The following ALDH8A1 variants were observed in gnomAD, a reference collection of about 807,000 sequenced individuals.
The protein encoded by ALDH8A1 is aldehyde dehydrogenase 8 family member A1.
ALDH8A1 carries 39 observed loss-of-function variants against 43.3 expected under a neutral mutation model. That is an observed-to-expected ratio of 0.90 (90% CI 0.70 to 1.18). The LOEUF (loss-of-function observed/expected upper bound fraction) is 1.18, where lower values mean the gene tolerates loss of function less well. ALDH8A1 is among the 50% of genes most tolerant of loss of function. ALDH8A1 has a pLI of 0.00. For missense variants in ALDH8A1, 605 were observed against 622.6 expected (o/e 0.97, Z 0.30); for synonymous variants, 233 against 243.5 (o/e 0.96, Z 0.40).
At chr6:134,941,815 G>A (rs755955414) in intron 3 of ALDH8A1, among the ~76,000 whole-genome samples, 4 of 152,008 alleles carry the variant, frequency 2.6e-5, no homozygotes, top group East Asian at 1.9e-4. Context: ...GAGCCACTGC[G>A]CCCAGCCTGA....
At chr6:134,942,211 C>G (rs556455247) in intron 3 of ALDH8A1, 198 bp downstream of exon 3, 2 of 625,262 alleles carry the variant, frequency 3.2e-6, no homozygotes, top group Non-Finnish European at 4.9e-6. Flanking sequence ...CAGAGCAAGA[C>G]GCTGTCTAAA....
intron 3 of ALDH8A1, among the ~76,000 whole-genome samples, chr6:134,940,833 TA>T (rs1421323979): frequency 6.6e-6 from 1 of 152,170 alleles, no homozygotes; most frequent in Non-Finnish European, 1.5e-5. Flanking sequence ...CTTTAGGGGA[TA>T]AAAATATTTT....
intron 2 of ALDH8A1, 121 bp downstream of exon 2, chr6:134,943,698 C>T: frequency 6.9e-7 from 1 of 1,451,558 alleles, no homozygotes; most frequent in African/African-American, 1.4e-5. Flanking sequence ...AGGGTTTGCT[C>T]TCCACTTCTA....
chr6:134,932,146 C>T (rs1776995565), intron 5 of ALDH8A1, among the ~76,000 whole-genome samples: 1 of 152,182 alleles, frequency 6.6e-6, no homozygotes, highest in Non-Finnish European at 1.5e-5. Flanking sequence ...GCAGCGTTTC[C>T]ATCTTCTTGC....
intron 3 of ALDH8A1, 111 bp downstream of exon 3, chr6:134,942,298 A>G: frequency 7.5e-7 from 1 of 1,335,458 alleles, no homozygotes; most frequent in Non-Finnish European, 9.9e-7. Flanking sequence ...TAGAAAAGAA[A>G]AATATCAGCT....
At chr6:134,937,864 C>G (rs1773773366) in intron 4 of ALDH8A1, among the ~76,000 whole-genome samples, 2 of 152,284 alleles carry the variant, frequency 1.3e-5, no homozygotes, top group South Asian at 4.1e-4. Context: ...CGCCCCACCC[C>G]CTCCACCTCG....
rs745764573 is a variant in ALDH8A1 at position 134,918,355 on chromosome 6, A to G, written c.*60T>C. 6.6e-7 allele frequency: 1 copy of G among 1,510,282 alleles called. No homozygotes were observed. Among genetic ancestry groups the G allele is most frequent in the Admixed American group, 1.8e-5 (1 of 54,186 alleles). 93.6% of individuals were successfully genotyped at this position (1,510,282 alleles called of 1,614,324 possible). A position where few individuals can be genotyped will look rare whatever the true frequency, so the allele number is the denominator to read the frequency against. ...TCATGCCATGATTTTCATCTACCACATTGAACAACTGATGCCTGCAGCCAG... is the reference window on the plus strand; with the variant it reads ...TCATGCCATGATTTTCATCTACCACGTTGAACAACTGATGCCTGCAGCCAG... On this transcript the variant is annotated 3_prime_UTR_variant, in exon 7 of 7. Transcript: ENST00000265605.
intron 1 of ALDH8A1, 91 bp from the exon 2 acceptor site, chr6:134,944,057 T>C: frequency 7.0e-7 from 1 of 1,423,418 alleles, no homozygotes; most frequent in Non-Finnish European, 9.3e-7. Context: ...TCCACACACC[T>C]CATTTTTGTT....
intron 1 of ALDH8A1, among the ~76,000 whole-genome samples, chr6:134,949,654 G>C (rs968460310): frequency 6.6e-6 from 1 of 151,766 alleles, no homozygotes; most frequent in African/African-American, 2.4e-5. Flanking sequence ...GGAAATGTTT[G>C]AGAATTGCAA....
At position 134,939,760 on chromosome 6, in the gene ALDH8A1, C is replaced by T. The variant is rs113733653; in HGVS notation, c.443-345G>A. ...TCATTCTATTATAAAGATACATGCA[C>T]GCGTATGTTCATTGCAGCACTTTGC... On this transcript the variant is annotated intron_variant, in intron 3 of 6. Transcript: ENST00000265605. 2.1e-3 allele frequency among the ~76,000 whole-genome samples: 313 copies of T among 152,244 alleles called. 2 individuals are homozygous for T. The highest frequency in any genetic ancestry group is 6.9e-3 in the African/African-American group (288 of 41,542).
intron 6 of ALDH8A1, among the ~76,000 whole-genome samples, chr6:134,926,053 A>G (rs1178371686): frequency 6.6e-6 from 1 of 152,146 alleles, no homozygotes; most frequent in Non-Finnish European, 1.5e-5. Flanking sequence ...GTTATTCTAA[A>G]GACTTAGGCA....
chr6:134,947,856 A>AC (rs1773980815), intron 1 of ALDH8A1, among the ~76,000 whole-genome samples: 1 of 115,018 alleles, frequency 8.7e-6, no homozygotes, highest in Non-Finnish European at 1.7e-5. Context: ...AAAAAAAAAA[A>AC]ATAAAAATAG....
Position 134,939,325 on chromosome 6 carries a change from T to C in ALDH8A1, c.533A>G (p.Lys178Arg). ...AMAAGNTVIAKPSELTSVTAW... is the reference protein window; with the variant it reads ...AMAAGNTVIARPSELTSVTAW... ...AGTCACTGAAGTCAGCTCACTGGGCTTGGCTATCACAGTGTTCCCTGCAGC... is the reference window on the plus strand; with the variant it reads ...AGTCACTGAAGTCAGCTCACTGGGCCTGGCTATCACAGTGTTCCCTGCAGC... The change falls in exon 4 of 7, where the codon AAG becomes AGG. Residue 178 changes from lysine (K) to arginine (R), a missense_variant. Lys to Arg is a conservative substitution (Grantham distance 26). Transcript: ENST00000265605. 6.2e-7 allele frequency: 1 copy of C among 1,614,248 alleles called. No individual in the cohort carries two copies. The highest frequency in any genetic ancestry group is 8.5e-7 in the Non-Finnish European group (1 of 1,180,042).
In ALDH8A1 at chr6:134,918,706, C is replaced by T. The variant is rs184006801; in HGVS notation, c.1173G>A (p.Glu391=). 1.7e-5 allele frequency: 28 copies of T among 1,614,232 alleles called. No homozygotes were observed. In the East Asian group the frequency reaches 6.2e-4, roughly 36 times the overall value. Residue 391 remains glutamate, a synonymous_variant, in exon 7 of 7, where the codon GAG becomes GAA. Transcript: ENST00000265605. ...CGACACACGTCACTGGACCAAATAT[C>T]TCTTCCGTCATGCAGCAGGATTCAT... is the stretch of plus-strand genomic sequence containing the variant. ...IKDESCCMTE[E]IFGPVTCVVP...
chr6:134,933,810 G>A (rs1773674326), intron 4 of ALDH8A1, among the ~76,000 whole-genome samples: 1 of 152,208 alleles, frequency 6.6e-6, no homozygotes, highest in Admixed American at 6.5e-5. Flanking sequence ...CCAGGTTCAA[G>A]AGATTCTCCT....
chr6:134,939,257 C>T lies in ALDH8A1; in HGVS notation c.592+9G>A. 1 of 1,613,770 alleles carries T rather than the reference C, an allele frequency of 6.2e-7. No homozygotes were observed. Among genetic ancestry groups the T allele is most frequent in the South Asian group, 1.1e-5 (1 of 91,050 alleles). On this transcript the variant is annotated intron_variant, in intron 4 of 6. Coordinates refer to ENST00000265605, the MANE Select transcript of ALDH8A1 (RefSeq NM_022568.4). ...CTGTGCCTGCCCCCCAACCCCAACA[C>T]CTAATTACCTGCTTTATCCAGGAGT...
At chr6:134,927,299 T>TA (rs1270145211) in intron 6 of ALDH8A1, among the ~76,000 whole-genome samples, 2 of 151,540 alleles carry the variant, frequency 1.3e-5, no homozygotes, top group Non-Finnish European at 2.9e-5. Context: ...TAGTACATGT[T>TA]AAAAAAGAAA....
At chr6:134,946,786 G>GCACAGGTGCGCATGTGTGTGCGCA in intron 1 of ALDH8A1, among the ~76,000 whole-genome samples, 1 of 150,152 alleles carries the variant, frequency 6.7e-6, no homozygotes, top group African/African-American at 2.5e-5. Flanking sequence ...GTGTGCGCGC[G>GCACAGGTGCGCATGTGTGTGCGCA]CGCACAGGTG....
chr6:134,949,087 G>A (rs1774000989), intron 1 of ALDH8A1, among the ~76,000 whole-genome samples: 1 of 152,124 alleles, frequency 6.6e-6, no homozygotes, highest in Middle Eastern at 3.4e-3. Flanking sequence ...ACTTTGCATG[G>A]AATATATATT....
Sources: allele counts gnomAD v4.1 joint callset (sites outside exome capture counted in the v4.1 genomes callset), GRCh38; gene constraint gnomAD v4.1.1; transcripts MANE v1.5; gene names NCBI Gene and HGNC (gene_info 2026-07-23, HGNC 2026-07-21).